C1orf141: variants seen among roughly 807,000 people sequenced by gnomAD.
C1orf141 encodes chromosome 1 open reading frame 141.
In C1orf141, 19 loss-of-function variants were observed where a neutral mutation model predicts 23.2. The ratio of observed to expected loss-of-function variants is 0.82; its 90% CI spans 0.57 to 1.20. The LOEUF is 1.20. C1orf141 is among the 50% of genes most tolerant of loss of function. C1orf141 has a pLI of 0.00. For missense variants in C1orf141, 469 were observed against 455.1 expected, an observed-to-expected ratio of 1.03 and a Z score of -0.28; for synonymous variants, 153 against 154.6, an observed-to-expected ratio of 0.99 and a Z score of 0.08.
chr1:67,103,461 T>A, intron 5 of C1orf141: 1 of 807,398 alleles, frequency 1.2e-6, no homozygotes, highest in Non-Finnish European at 1.7e-6. Context: ...TATGCTTGAG[T>A]ATTCACATTT....
Position 67,095,220 on chromosome 1 carries a change from T to G in C1orf141, c.603+15A>C. On this transcript the variant is annotated intron_variant, in intron 7 of 7. Coordinates refer to ENST00000684719, the MANE Select transcript of C1orf141 (RefSeq NM_001276351.2). ...CTACACATATTTACTTAACAATAGA[T>G]GATATGCTTATTACCATGTGAGAAG... 1.1e-4 allele frequency: 156 copies of G among 1,419,750 alleles called. No individual in the cohort carries two copies. The highest frequency in any genetic ancestry group is 1.4e-4 in the Non-Finnish European group (145 of 1,027,144). The allele number at this position is 1,419,750 out of a possible 1,614,324, so 87.9% of individuals were successfully genotyped here. A position where few individuals can be genotyped will look rare whatever the true frequency, so the allele number is the denominator to read the frequency against.
intron 4 of C1orf141, chr1:67,123,456 T>C (rs946349782): frequency 1.3e-5 from 2 of 152,138 alleles, no homozygotes; most frequent in African/African-American, 4.8e-5. Context: ...TTGTCTCTTG[T>C]CATATTTTTT....
intron 2 of C1orf141, among the ~76,000 whole-genome samples, chr1:67,127,641 G>C (rs774179940): frequency 6.6e-6 from 1 of 151,596 alleles, no homozygotes; most frequent in Non-Finnish European, 1.5e-5. Flanking sequence ...TAATTTTGTC[G>C]TTGTTGTTGT....
chr1:67,095,906 T>A, intron 6 of C1orf141: 3 of 185,672 alleles, frequency 1.6e-5, no homozygotes, highest in Non-Finnish European at 3.3e-5. Flanking sequence ...GATTAATGAT[T>A]TTTTTCATTA....
chr1:67,114,896 G>A (rs1449778820), intron 5 of C1orf141, among the ~76,000 whole-genome samples: 5 of 152,108 alleles, frequency 3.3e-5, no homozygotes, highest in South Asian at 2.1e-4. Context: ...GGCTGGTCTC[G>A]AACTCCTGAC....
chr1:67,133,497 A>C (rs1646548541), intron 1 of C1orf141, among the ~76,000 whole-genome samples: 1 of 152,190 alleles, frequency 6.6e-6, no homozygotes, highest in African/African-American at 2.4e-5. Context: ...GACTTAGGGG[A>C]ATCTTTTTTC....
At chr1:67,120,809 TAG>T (rs773064117) in intron 4 of C1orf141, among the ~76,000 whole-genome samples, 1 of 151,816 alleles carries the variant, frequency 6.6e-6, no homozygotes, top group Non-Finnish European at 1.5e-5. Flanking sequence ...CTGACTAATA[TAG>T]GGGGTCAAAT....
At chr1:67,114,136 A>G (rs979387491) in intron 5 of C1orf141, among the ~76,000 whole-genome samples, 11 of 152,002 alleles carry the variant, frequency 7.2e-5, no homozygotes, top group African/African-American at 2.7e-4. Context: ...AAACCCCCAC[A>G]CCTATTCATT....
intron 2 of C1orf141, among the ~76,000 whole-genome samples, chr1:67,129,518 G>A (rs1191850578): frequency 6.6e-6 from 1 of 152,104 alleles, no homozygotes; most frequent in Non-Finnish European, 1.5e-5. Context: ...CAAGCAGATA[G>A]CCTGCCTTGT....
chr1:67,125,510 C>A (rs1432066347), intron 4 of C1orf141, among the ~76,000 whole-genome samples: 1 of 152,074 alleles, frequency 6.6e-6, no homozygotes, highest in Non-Finnish European at 1.5e-5. Flanking sequence ...CCAGCCTGGG[C>A]AGCATGGGAA....
intron 1 of C1orf141, among the ~76,000 whole-genome samples, chr1:67,140,221 A>G (rs562378731): frequency 6.6e-6 from 1 of 152,240 alleles, no homozygotes; most frequent in Non-Finnish European, 1.5e-5. Flanking sequence ...TATGCATGCA[A>G]AAGCAAAATA....
At chr1:67,136,594 A>G (rs1332096787), upstream of C1orf141, among the ~76,000 whole-genome samples, 1 of 152,198 alleles carries the variant, frequency 6.6e-6, no homozygotes, top group East Asian at 1.9e-4. Flanking sequence ...TTAGAATATT[A>G]TCATTATCTC....
intron 2 of C1orf141, among the ~76,000 whole-genome samples, chr1:67,130,633 T>G (rs1186032575): frequency 6.6e-6 from 1 of 152,234 alleles, no homozygotes; most frequent in Non-Finnish European, 1.5e-5. Context: ...AAAAATAGTT[T>G]GCTAAGAGTA....
At chr1:67,107,817 G>C (rs1191438795) in intron 5 of C1orf141, among the ~76,000 whole-genome samples, 3 of 152,182 alleles carry the variant, frequency 2.0e-5, no homozygotes, top group African/African-American at 7.2e-5. Flanking sequence ...TTGAACCCAG[G>C]AGGTGGAGGT....
chr1:67,116,810 A>T (rs61782292), intron 4 of C1orf141, among the ~76,000 whole-genome samples: 10,395 of 152,170 alleles, frequency 0.068, 494 homozygotes, highest in Non-Finnish European at 0.094. Context: ...CAAGGGGTTG[A>T]CGTGGCCTAC....
intron 5 of C1orf141, among the ~76,000 whole-genome samples, chr1:67,105,650 C>A (rs1157775703): frequency 6.6e-6 from 1 of 151,942 alleles, no homozygotes; most frequent in Non-Finnish European, 1.5e-5. Flanking sequence ...CACACAGACA[C>A]ACACACAGAC....
At chr1:67,128,114 G>A (rs1570733056) in intron 2 of C1orf141, among the ~76,000 whole-genome samples, 1 of 152,090 alleles carries the variant, frequency 6.6e-6, no homozygotes, top group African/African-American at 2.4e-5. Context: ...CAACTAAGCT[G>A]GTTAGGTCCC....
chr1:67,106,795 T>C (rs1390028401), intron 5 of C1orf141, among the ~76,000 whole-genome samples: 1 of 152,222 alleles, frequency 6.6e-6, no homozygotes, highest in Non-Finnish European at 1.5e-5. Flanking sequence ...ATGGAAATTA[T>C]AGAATTAAAA....
chr1:67,108,834 C>G lies in C1orf141; in HGVS notation c.346+6518G>C, dbSNP rs1645995808. On this transcript the variant is annotated intron_variant, in intron 5 of 7. Transcript: ENST00000684719. ...TAAGATATACAAATGAAAAAATGCT[C>G]AACATCACTAATTATCAGGGAAATG... is the stretch of plus-strand genomic sequence containing the variant. Among the ~76,000 whole-genome samples the G allele has an allele frequency of 2.0e-5, 3 of 152,114 alleles. No individual in the cohort carries two copies. In the South Asian group the frequency reaches 6.2e-4, roughly 32 times the overall value.
Sources: allele counts gnomAD v4.1 joint callset (sites outside exome capture counted in the v4.1 genomes callset), GRCh38; gene constraint gnomAD v4.1.1; transcripts MANE v1.5; gene names NCBI Gene and HGNC (gene_info 2026-07-23, HGNC 2026-07-21).